SLC30A7: variants seen among roughly 807,000 people sequenced by gnomAD.
SLC30A7 encodes the protein solute carrier family 30 member 7.
Under a neutral mutation model 46.0 loss-of-function variants are expected in SLC30A7, and 35 were observed. That is an observed-to-expected ratio of 0.76 (90% CI 0.58 to 1.01). The LOEUF (loss-of-function observed/expected upper bound fraction) is 1.01, where lower values mean the gene tolerates loss of function less well. Among genes scored for constraint, SLC30A7 ranks in the 50% least tolerant of loss-of-function variants. The probability of loss-of-function intolerance (pLI) is 0.00; values close to 1 mark genes in which losing one functional copy is unlikely to be tolerated. For missense variants in SLC30A7, 464 were observed against 451.1 expected, an observed-to-expected ratio of 1.03 and a Z score of -0.26; for synonymous variants, 147 against 157.8, an observed-to-expected ratio of 0.93 and a Z score of 0.51.
In SLC30A7 at chr1:100,979,454, A is replaced by AG. The variant is rs1452217581; in HGVS notation, c.*4597_*4598insG. The AG allele has an allele frequency of 9.1e-5, 13 of 142,552 alleles. No homozygotes were observed. The highest frequency in any genetic ancestry group is 1.4e-4 in the Non-Finnish European group (9 of 64,562). 8.8% of individuals were successfully genotyped at this position (142,552 alleles called of 1,614,324 possible). Reference sequence around the variant, plus strand: ...ATGTATCCAAAAAAAAAAAAAAAAAAAAAAGAAAAGGAGCAGGGAAGGACA... The same window carrying AG: ...ATGTATCCAAAAAAAAAAAAAAAAAAGAAAAGAAAAGGAGCAGGGAAGGACA... On this transcript the variant is annotated 3_prime_UTR_variant, in exon 11 of 11. Coordinates refer to ENST00000357650, the MANE Select transcript of SLC30A7 (RefSeq NM_133496.5).
chr1:100,935,405 C>T (rs754437452), intron 8 of SLC30A7, among the ~76,000 whole-genome samples: 6 of 152,136 alleles, frequency 3.9e-5, no homozygotes, highest in Non-Finnish European at 7.4e-5. Context: ...GTTCTTTTTA[C>T]GATTTTTGCT....
chr1:100,966,827 G>A (rs1655901652), intron 10 of SLC30A7, among the ~76,000 whole-genome samples: 1 of 152,148 alleles, frequency 6.6e-6, no homozygotes, highest in Non-Finnish European at 1.5e-5. Context: ...AAGAATAAGT[G>A]GCTTTAGCTA....
chr1:100,990,701 T>A, the SLC30A7 span: 1 of 1,423,772 alleles, frequency 7.0e-7, no homozygotes, highest in Non-Finnish European at 9.8e-7. Flanking sequence ...CAAACAAACA[T>A]TAGTACCACA....
intron 9 of SLC30A7, among the ~76,000 whole-genome samples, chr1:100,964,393 A>G (rs771957086): frequency 7.5e-6 from 1 of 132,848 alleles, no homozygotes; most frequent in South Asian, 2.2e-4. Flanking sequence ...TATATAACCT[A>G]TATATGTGTA....
intron 8 of SLC30A7, among the ~76,000 whole-genome samples, chr1:100,922,448 A>G (rs184756779): frequency 7.6e-4 from 116 of 152,310 alleles, no homozygotes; most frequent in Middle Eastern, 3.4e-3. Flanking sequence ...TATATTCACT[A>G]TAGTTAGTGT....
intron 8 of SLC30A7, among the ~76,000 whole-genome samples, chr1:100,954,791 CTA>C (rs568076080): frequency 5.9e-4 from 90 of 152,094 alleles, no homozygotes; most frequent in African/African-American, 2.1e-3. Context: ...TTATCCATCA[CTA>C]TGAATTAATT....
intron 8 of SLC30A7, among the ~76,000 whole-genome samples, chr1:100,932,553 T>C (rs1653723162): frequency 6.6e-6 from 1 of 152,226 alleles, no homozygotes; most frequent in Admixed American, 6.5e-5. Context: ...ATTTAAAATC[T>C]AATGATGGTA....
At chr1:100,918,799 C>G (rs1652759059) in intron 7 of SLC30A7, among the ~76,000 whole-genome samples, 1 of 152,082 alleles carries the variant, frequency 6.6e-6, no homozygotes, top group Non-Finnish European at 1.5e-5. Context: ...GTTGTTTACC[C>G]TTGTGATTGC....
At chr1:100,909,080 T>C (rs1343964853) in intron 3 of SLC30A7, among the ~76,000 whole-genome samples, 1 of 151,792 alleles carries the variant, frequency 6.6e-6, no homozygotes, top group Non-Finnish European at 1.5e-5. Context: ...TGTTTTCTTT[T>C]GGGAAAGATT....
chr1:100,958,198 A>G (rs1369311589), intron 8 of SLC30A7, among the ~76,000 whole-genome samples: 1 of 150,944 alleles, frequency 6.6e-6, no homozygotes. Flanking sequence ...TTTTTTTGAG[A>G]TGGAGTCTCG....
the SLC30A7 span, chr1:100,995,182 A>C: frequency 6.8e-7 from 1 of 1,478,362 alleles, no homozygotes; most frequent in Non-Finnish European, 9.4e-7. Context: ...TTTTAATTTA[A>C]TTAAAAGCTT....
At chr1:100,906,816 T>G (rs1008588463) in intron 2 of SLC30A7, 36 bp from the exon 3 acceptor site, 1 of 1,429,580 alleles carries the variant, frequency 7.0e-7, no homozygotes, top group Non-Finnish European at 9.9e-7. Flanking sequence ...TGTTTGGTTT[T>G]TATTATAATT....
chr1:100,925,066 A>T (rs1259274963), intron 8 of SLC30A7, among the ~76,000 whole-genome samples: 1 of 152,262 alleles, frequency 6.6e-6, no homozygotes. Context: ...ATAGGATTAT[A>T]TGATAGTGAC....
intron 8 of SLC30A7, among the ~76,000 whole-genome samples, chr1:100,951,309 A>C (rs563333050): frequency 3.9e-5 from 6 of 152,330 alleles, no homozygotes; most frequent in African/African-American, 1.4e-4. Context: ...ATAACAACAA[A>C]TAACAGCGAA....
chr1:100,983,212 A>T (rs1339516824), downstream of SLC30A7, among the ~76,000 whole-genome samples: 1 of 150,542 alleles, frequency 6.6e-6, no homozygotes, highest in Non-Finnish European at 1.5e-5. Flanking sequence ...AGTCTAGAGC[A>T]AAAAAACAGC....
rs564577521 is a variant in SLC30A7, at chr1:100,980,676, T to C, written c.*5819T>C. On this transcript the variant is annotated 3_prime_UTR_variant, in exon 11 of 11. Transcript: ENST00000357650. ...TATTCACCTTGGCCATTTTTTTTTT[T>C]AAGTAGCCCTATGAGCTGCTCATTC... is the stretch of plus-strand genomic sequence containing the variant. 3.9e-5 allele frequency: 6 copies of C among 152,174 alleles called. No homozygotes were observed. The South Asian group carries it at 1.2e-3, about 32-fold the overall frequency. 9.4% of individuals were successfully genotyped at this position (152,174 alleles called of 1,614,324 possible). A position where few individuals can be genotyped will look rare whatever the true frequency, so the allele number is the denominator to read the frequency against.
the SLC30A7 span, among the ~76,000 whole-genome samples, chr1:100,993,542 ACT>A: frequency 7.7e-6 from 1 of 129,488 alleles, no homozygotes; most frequent in Non-Finnish European, 1.6e-5. Flanking sequence ...ACAGAGCAAG[ACT>A]CTGTCGAAAA....
the SLC30A7 span, among the ~76,000 whole-genome samples, chr1:100,993,885 T>C: frequency 3.3e-5 from 5 of 151,386 alleles, no homozygotes; most frequent in Admixed American, 1.3e-4. Context: ...GGATTACAGG[T>C]GCCTGCCACC....
intron 8 of SLC30A7, among the ~76,000 whole-genome samples, chr1:100,943,536 A>C (rs752481769): frequency 2.0e-5 from 3 of 152,152 alleles, no homozygotes; most frequent in Non-Finnish European, 2.9e-5. Flanking sequence ...CTTAACCTTC[A>C]GCCGCTCTCC....
Sources: allele counts gnomAD v4.1 joint callset (sites outside exome capture counted in the v4.1 genomes callset), GRCh38; gene constraint gnomAD v4.1.1; transcripts MANE v1.5; gene names NCBI Gene and HGNC (gene_info 2026-07-23, HGNC 2026-07-21).